Variants in PUF60 observed in about 807,000 individuals in gnomAD.
PUF60 encodes poly(U)-binding-splicing factor PUF60.
Under a neutral mutation model 61.8 loss-of-function variants are expected in PUF60, and 10 were observed. The observed-to-expected ratio is 0.16, with a 90% CI of 0.10 to 0.27. The LOEUF (loss-of-function observed/expected upper bound fraction) is 0.27, where lower values mean the gene tolerates loss of function less well. PUF60 is among the 10% of genes least tolerant of loss of function. PUF60 has a pLI of 1.00. For synonymous variants in PUF60, 353 were observed against 300.9 expected (o/e 1.17, Z -1.79); for missense variants, 371 against 754.0 (o/e 0.49, Z 5.95).
rs1466762286 is a variant in PUF60, at chr8:143,824,371, G to C, written c.53C>G (p.Ser18Cys). The part of the protein sequence containing the change: ...LQVNGQQGGG[S>C]EPAAAAAVVA... ...CACTGCCGCCGCCGCCGCCGGCTCG[G>C]ACCCCCCTCCTTGCTGGCCATTGAC... Residue 18 changes from serine (S) to cysteine (C), a missense_variant, in exon 2 of 12, where the codon TCC becomes TGC. By Grantham distance (112) the Ser-to-Cys change is moderately radical (BLOSUM62 -1). This residue lies in a region of PUF60 where 69 missense variants were observed against 64.7 expected (regional missense o/e 1.07). Transcript: ENST00000526683. 1 of 1,612,326 alleles carries C rather than the reference G, an allele frequency of 6.2e-7. No individual in the cohort carries two copies. Among genetic ancestry groups the C allele is most frequent in the Non-Finnish European group, 8.5e-7 (1 of 1,179,788 alleles).
rs1040015948 is a variant in PUF60 at position 143,816,837 on chromosome 8, G to A, written c.1381-18C>T. The A allele has an allele frequency of 1.2e-6, 2 of 1,609,104 alleles. No individual in the cohort carries two copies. Among genetic ancestry groups the A allele is most frequent in the Admixed American group, 1.7e-5 (1 of 59,938 alleles). On this transcript the variant is annotated intron_variant, in intron 11 of 11. Transcript: ENST00000526683. Reference sequence around the variant, plus strand: ...ACTGTAGACTGTGGGGCAGGGCCGAGGGGAAGACAGCTGAGCACTGCGGCC... The same window carrying A: ...ACTGTAGACTGTGGGGCAGGGCCGAAGGGAAGACAGCTGAGCACTGCGGCC...
At chr8:143,819,986 G>A (rs1317749210) in intron 5 of PUF60, among the ~76,000 whole-genome samples, 1 of 152,172 alleles carries the variant, frequency 6.6e-6, no homozygotes, top group Non-Finnish European at 1.5e-5. Context: ...CCCAGAGAAG[G>A]GTCCACATCT....
intron 5 of PUF60, 56 bp downstream of exon 5, chr8:143,820,610 C>G: frequency 6.4e-7 from 1 of 1,559,818 alleles, no homozygotes; most frequent in Non-Finnish European, 8.8e-7. Flanking sequence ...TGCACTGCCC[C>G]CCTCTAGCCC....
At chr8:143,827,254 G>A in intron 1 of PUF60, 1 of 401,510 alleles carries the variant, frequency 2.5e-6, no homozygotes, top group Non-Finnish European at 5.0e-6. Context: ...AGGTGACATT[G>A]CAGGCTGGGG....
Position 143,816,838 on chromosome 8 carries a change from G to T in PUF60, c.1381-19C>A. On this transcript the variant is annotated intron_variant, in intron 11 of 11. Transcript: ENST00000526683. ...CTGTAGACTGTGGGGCAGGGCCGAG[G>T]GGAAGACAGCTGAGCACTGCGGCCC... 6.2e-7 allele frequency: 1 copy of T among 1,608,922 alleles called. No homozygotes were observed.
At position 143,816,948 on chromosome 8, in the gene PUF60, G is replaced by T; in HGVS notation, c.1342C>A (p.Arg448=). Residue 448 remains arginine (R), a synonymous_variant, in exon 11 of 12, where the codon CGA becomes AGA. Coordinates refer to ENST00000526683, the MANE Select transcript of PUF60 (RefSeq NM_078480.3). ...EHMSISGSSA[R]HMVMQKLLRK... Reference sequence around the variant, plus strand: ...AGCAGCTTCTGCATCACCATGTGTCGGGCGCTACTGCCCGAGATGCTCATG... The same window carrying T: ...AGCAGCTTCTGCATCACCATGTGTCTGGCGCTACTGCCCGAGATGCTCATG... 1 of 1,594,864 alleles carries T rather than the reference G, an allele frequency of 6.3e-7. No individual in the cohort carries two copies. The highest frequency in any genetic ancestry group is 8.5e-7 in the Non-Finnish European group (1 of 1,171,170).
intron 2 of PUF60, 100 bp downstream of exon 2, chr8:143,824,213 C>A: frequency 7.8e-7 from 1 of 1,278,684 alleles, no homozygotes; most frequent in South Asian, 1.4e-5. Context: ...TCCCGCCCCG[C>A]CCCCAGCCAG....
intron 1 of PUF60, 141 bp downstream of exon 1, chr8:143,829,139 C>G (rs1224873692): frequency 1.7e-6 from 2 of 1,199,368 alleles, no homozygotes; most frequent in Non-Finnish European, 2.1e-6. Flanking sequence ...CCCCGCCTCA[C>G]GCGACCCGGG....
chr8:143,829,131 C>G, intron 1 of PUF60, 149 bp downstream of exon 1: 1 of 1,190,794 alleles, frequency 8.4e-7, no homozygotes, highest in Non-Finnish European at 1.0e-6. Context: ...CGCCCCGCCC[C>G]CGCCTCACGC....
chr8:143,824,648 G>A (rs1049620038), intron 1 of PUF60: 2 of 551,452 alleles, frequency 3.6e-6, no homozygotes, highest in African/African-American at 1.9e-5. Flanking sequence ...AGCGGGGATG[G>A]GGAGGAGGGT....
Position 143,824,106 on chromosome 8 carries a change from T to C in PUF60, c.111+207A>G, listed in dbSNP as rs546381780. On this transcript the variant is annotated intron_variant, in intron 2 of 11. Transcript: ENST00000526683. Reference sequence around the variant, plus strand: ...ATGCAGAGGGCAAAGGCCAGCTCAGTGCCTGGGTGGGGAGGGTGCAGGGCT... The same window carrying C: ...ATGCAGAGGGCAAAGGCCAGCTCAGCGCCTGGGTGGGGAGGGTGCAGGGCT... 3.9e-5 allele frequency among the ~76,000 whole-genome samples: 6 copies of C among 152,324 alleles called. No homozygotes were observed. The South Asian group carries it at 1.2e-3, about 32-fold the overall frequency.
At position 143,818,967 on chromosome 8, in the gene PUF60, T is replaced by G; in HGVS notation, c.349-433A>C. The G allele has an allele frequency of 5.4e-6, 1 of 184,014 alleles. No individual in the cohort carries two copies. The highest frequency in any genetic ancestry group is 1.1e-5 in the Non-Finnish European group (1 of 89,356). The allele number at this position is 184,014 out of a possible 1,614,324, so 11.4% of individuals were successfully genotyped here. On this transcript the variant is annotated intron_variant, in intron 5 of 11. Transcript: ENST00000526683. This position sits in a 1 kb window ranked among gnomAD's most constrained non-coding sequence, Gnocchi z 7.9. Reference sequence around the variant, plus strand: ...AAGCTGGAGGGACCCACTGGTTTGGTGGCCAGAAGAGAGGAGGTCAGAAGA... The same window carrying G: ...AAGCTGGAGGGACCCACTGGTTTGGGGGCCAGAAGAGAGGAGGTCAGAAGA...
intron 4 of PUF60, chr8:143,821,307 G>A (rs1213716300): frequency 3.9e-5 from 22 of 566,728 alleles, no homozygotes; most frequent in Middle Eastern, 4.8e-4. Context: ...GCACGGGAGA[G>A]ACCAGAGGCC....
intron 2 of PUF60, 41 bp downstream of exon 2, chr8:143,824,253 GGCGGGCGGGCGGGCGGGCA>G: frequency 7.0e-7 from 1 of 1,431,932 alleles, no homozygotes; most frequent in East Asian, 2.5e-5. Flanking sequence ...CGCACAGGCA[GGCGGGCGGGCGGGCGGGCA>G]GGCGGGCGGG....
chr8:143,829,077 G>A lies in PUF60; in HGVS notation c.24+203C>T. On this transcript the variant is annotated intron_variant, in intron 1 of 11. Coordinates refer to ENST00000526683, the MANE Select transcript of PUF60 (RefSeq NM_078480.3). ...CCCGCCCCGCCGGAAGCTGGGGTCC[G>A]CAGGCCGGAAGCTGAGGCCGCGAGC... The A allele has an allele frequency of 3.7e-6, 4 of 1,069,190 alleles. No homozygotes were observed. In the South Asian group the frequency reaches 1.3e-4, roughly 35 times the overall value. 66.2% of individuals were successfully genotyped at this position (1,069,190 alleles called of 1,614,324 possible).
chr8:143,816,667 G>T lies in PUF60; in HGVS notation c.1533C>A (p.Ile511=), dbSNP rs1174085765. The T allele has an allele frequency of 2.5e-6, 4 of 1,613,766 alleles. No homozygotes were observed. In the African/African-American group the frequency reaches 5.3e-5, roughly 22 times the overall value. Residue 511 remains isoleucine, a synonymous_variant, in exon 12 of 12, where the codon ATC becomes ATA. Coordinates refer to ENST00000526683, the MANE Select transcript of PUF60 (RefSeq NM_078480.3). ...AAAACTCCACAAAGATCTTGACAAT[G>T]ATTTCTGCATCCTCCTCCTCGCCTT... is the stretch of plus-strand genomic sequence containing the variant. ...EKQGEEEDAE[I]IVKIFVEFSI... is the part of the protein sequence containing the mutation.
chr8:143,826,829 C>T (rs1337856798), intron 1 of PUF60, among the ~76,000 whole-genome samples: 2 of 152,228 alleles, frequency 1.3e-5, no homozygotes, highest in African/African-American at 4.8e-5. Flanking sequence ...CCTAGGGCTA[C>T]TGTGAAGATT....
chr8:143,822,296 G>A lies in PUF60; in HGVS notation c.112-383C>T, dbSNP rs372094795. 1.1e-4 allele frequency among the ~76,000 whole-genome samples: 16 copies of A among 152,308 alleles called. No individual in the cohort carries two copies. The South Asian group carries it at 1.4e-3, about 14-fold the overall frequency. Reference sequence around the variant, plus strand: ...GCCTCAGCCGTCCTCCAAGGCAGGAGAAAAGGGCCACGGCTCTCTGGACGT... The same window carrying A: ...GCCTCAGCCGTCCTCCAAGGCAGGAAAAAAGGGCCACGGCTCTCTGGACGT... On this transcript the variant is annotated intron_variant, in intron 2 of 11. Transcript: ENST00000526683.
rs1166540268 is a variant in PUF60 at position 143,820,651 on chromosome 8, A to G, written c.348+15T>C. The G allele has an allele frequency of 2.5e-6, 4 of 1,610,028 alleles. No homozygotes were observed. Among genetic ancestry groups the G allele is most frequent in the Non-Finnish European group, 3.4e-6 (4 of 1,176,848 alleles). The stretch of plus-strand genomic sequence containing the variant: ...AAGGACATGAGCCCCGGAAGAAGTG[A>G]GCATTTCTATTGACCGATTGCAAAG... On this transcript the variant is annotated intron_variant, in intron 5 of 11. Transcript: ENST00000526683.
Sources: gnomAD v4.1 joint callset for allele counts (sites outside exome capture counted in the v4.1 genomes callset) on GRCh38, gnomAD v4.1.1 for gene constraint, gnomAD v4.1.1 regional missense constraint, Gnocchi (gnomAD v3.1) non-coding constraint, MANE v1.5 for transcripts, NCBI Gene and HGNC (gene_info 2026-07-23, HGNC 2026-07-21) for gene names.